The following FHL5 variants were observed in gnomAD, a reference collection of about 807,000 sequenced individuals.
The protein encoded by FHL5 is four and a half LIM domains protein 5.
In FHL5, 33 loss-of-function variants were observed where a neutral mutation model predicts 32.0. The observed-to-expected ratio is 1.03, with a 90% CI of 0.78 to 1.38. The LOEUF is 1.38. FHL5 is among the 40% of genes most tolerant of loss of function. The probability of loss-of-function intolerance (pLI) is 0.00; values close to 1 mark genes in which losing one functional copy is unlikely to be tolerated. For missense variants in FHL5, 336 were observed against 343.9 expected (o/e 0.98, Z 0.18); for synonymous variants, 114 against 113.6 (o/e 1.00, Z -0.02).
At chr6:96,571,227 A>G (rs1770469496) in intron 1 of FHL5, among the ~76,000 whole-genome samples, 1 of 152,172 alleles carries the variant, frequency 6.6e-6, no homozygotes, top group Non-Finnish European at 1.5e-5. Context: ...AGATAGGTAT[A>G]GAGATAGAGT....
chr6:96,602,426 C>CTTTTTTTTTTTTTTTTTTTTT (rs1168636713), intron 1 of FHL5, among the ~76,000 whole-genome samples: 1 of 33,684 alleles, frequency 3.0e-5, no homozygotes, highest in Non-Finnish European at 6.5e-5. Flanking sequence ...TGCGTTGTTT[C>CTTTTTTTTTTTTTTTTTTTTT]TTTTTTTTTT....
At chr6:96,565,217 C>A (rs374282896) in intron 1 of FHL5, among the ~76,000 whole-genome samples, 1 of 152,094 alleles carries the variant, frequency 6.6e-6, no homozygotes, top group Non-Finnish European at 1.5e-5. Context: ...GGGCTAATTA[C>A]CCTGATTAGA....
chr6:96,613,603 G>T (rs970646497), intron 5 of FHL5, among the ~76,000 whole-genome samples: 1 of 152,188 alleles, frequency 6.6e-6, no homozygotes, highest in Non-Finnish European at 1.5e-5. Context: ...TCAAGGAAAA[G>T]GAATTTCAAA....
At chr6:96,575,964 C>A (rs1275484664) in intron 1 of FHL5, among the ~76,000 whole-genome samples, 1 of 152,104 alleles carries the variant, frequency 6.6e-6, no homozygotes, top group Non-Finnish European at 1.5e-5. Context: ...TTATATGTGA[C>A]CTTTTTGTTA....
At chr6:96,583,524 T>C (rs1222071662) in intron 1 of FHL5, among the ~76,000 whole-genome samples, 1 of 152,144 alleles carries the variant, frequency 6.6e-6, no homozygotes, top group African/African-American at 2.4e-5. Context: ...GTTTTATGCA[T>C]AGACCAGAAA....
intron 1 of FHL5, among the ~76,000 whole-genome samples, chr6:96,580,534 C>T (rs1181010491): frequency 6.6e-6 from 1 of 152,016 alleles, no homozygotes; most frequent in African/African-American, 2.4e-5. Context: ...AAGGTTTAAG[C>T]CAGAAGTAGA....
Position 96,591,945 on chromosome 6 carries a change from T to C in FHL5, c.-12-11657T>C, listed in dbSNP as rs140952793. Among the ~76,000 whole-genome samples the C allele has an allele frequency of 3.1e-4, 47 of 152,084 alleles. No individual in the cohort carries two copies. In the East Asian group the frequency reaches 8.9e-3, roughly 29 times the overall value. On this transcript the variant is annotated intron_variant, in intron 1 of 5. Transcript: ENST00000450218. Reference sequence around the variant, plus strand: ...TTTCAATGGGGAGGGAGTGTACGAATAGGGTGTGGGTCACAGAGATCAGGT... The same window carrying C: ...TTTCAATGGGGAGGGAGTGTACGAACAGGGTGTGGGTCACAGAGATCAGGT...
At chr6:96,582,733 C>T (rs945093370) in intron 1 of FHL5, among the ~76,000 whole-genome samples, 3 of 152,072 alleles carry the variant, frequency 2.0e-5, no homozygotes, top group African/African-American at 7.2e-5. Flanking sequence ...CATTCCACCA[C>T]AATTCTATGA....
intron 1 of FHL5, among the ~76,000 whole-genome samples, chr6:96,593,401 G>T (rs1770962597): frequency 6.6e-6 from 1 of 152,032 alleles, no homozygotes; most frequent in Non-Finnish European, 1.5e-5. Flanking sequence ...GGCCTAAGAT[G>T]ATGTTTTCTT....
At chr6:96,581,685 A>G (rs1384068814) in intron 1 of FHL5, among the ~76,000 whole-genome samples, 1 of 152,218 alleles carries the variant, frequency 6.6e-6, no homozygotes, top group Non-Finnish European at 1.5e-5. Context: ...AGGTGAATCA[A>G]TGAGGGGCCT....
At chr6:96,606,503 C>A (rs1771284228) in intron 4 of FHL5, among the ~76,000 whole-genome samples, 1 of 152,056 alleles carries the variant, frequency 6.6e-6, no homozygotes, top group Admixed American at 6.6e-5. Flanking sequence ...AGGTGCGTGC[C>A]ACTGTGTCCA....
chr6:96,610,739 C>G lies in FHL5; in HGVS notation c.672C>G (p.Ala224=). 1 of 1,612,848 alleles carries G rather than the reference C, an allele frequency of 6.2e-7. No individual in the cohort carries two copies. Among genetic ancestry groups the G allele is most frequent in the South Asian group, 1.1e-5 (1 of 90,868 alleles). Residue 224 remains alanine (A), a synonymous_variant, in exon 5 of 6, where the codon GCC becomes GCG. Transcript: ENST00000450218. ...ATCTTTATGCCAACAAGTGTGTAGC[C>G]TGTTCCAAACCCATTAGTGGTGAGT... is the stretch of plus-strand genomic sequence containing the variant. ...YNHLYANKCV[A]CSKPISGLTG...
Position 96,616,024 on chromosome 6 carries a change from G to T in FHL5, c.*252G>T. 3.7e-6 allele frequency: 1 copy of T among 269,896 alleles called. No homozygotes were observed. The highest frequency in any genetic ancestry group is 6.9e-6 in the Non-Finnish European group (1 of 144,406). The allele number at this position is 269,896 out of a possible 1,614,324, so 16.7% of individuals were successfully genotyped here. On this transcript the variant is annotated 3_prime_UTR_variant, in exon 6 of 6. Coordinates refer to ENST00000450218, the MANE Select transcript of FHL5 (RefSeq NM_001322466.2). ...ACTGCACTCTGCTGTTAGAAGCAGA[G>T]GAAAATATCTCTTCATAATCAAATA...
intron 1 of FHL5, among the ~76,000 whole-genome samples, chr6:96,603,194 G>A (rs1771193445): frequency 6.6e-6 from 1 of 152,160 alleles, no homozygotes; most frequent in Non-Finnish European, 1.5e-5. Flanking sequence ...ATCAAAATCT[G>A]CCTCTAGAAT....
intron 3 of FHL5, among the ~76,000 whole-genome samples, chr6:96,605,544 T>G (rs1341929696): frequency 1.2e-4 from 18 of 152,232 alleles, no homozygotes; most frequent in Admixed American, 1.2e-3. Flanking sequence ...GTAGTTGTGC[T>G]CTGGGCATTT....
intron 1 of FHL5, among the ~76,000 whole-genome samples, chr6:96,594,309 AT>A (rs1378982797): frequency 8.2e-6 from 1 of 122,258 alleles, no homozygotes; most frequent in African/African-American, 3.3e-5. Context: ...GTGTCTTATA[AT>A]TTTTTGCCTG....
chr6:96,581,885 A>G (rs1770703661), intron 1 of FHL5, among the ~76,000 whole-genome samples: 1 of 152,234 alleles, frequency 6.6e-6, no homozygotes, highest in African/African-American at 2.4e-5. Context: ...TTGCTGATTT[A>G]TATTAGATCT....
At chr6:96,593,591 A>G (rs974191279) in intron 1 of FHL5, among the ~76,000 whole-genome samples, 4 of 152,144 alleles carry the variant, frequency 2.6e-5, no homozygotes, top group Non-Finnish European at 5.9e-5. Flanking sequence ...TATCACCTAC[A>G]CAATGATAAG....
At chr6:96,605,302 T>C (rs1335842749) in intron 3 of FHL5, among the ~76,000 whole-genome samples, 3 of 152,216 alleles carry the variant, frequency 2.0e-5, no homozygotes, top group Non-Finnish European at 2.9e-5. Flanking sequence ...ATTTTGTAGC[T>C]TGACACAAAC....
Sources: gnomAD v4.1 joint callset for allele counts (sites outside exome capture counted in the v4.1 genomes callset) on GRCh38, gnomAD v4.1.1 for gene constraint, MANE v1.5 for transcripts, NCBI Gene and HGNC (gene_info 2026-07-23, HGNC 2026-07-21) for gene names.